OR7D2: variants seen among roughly 807,000 people sequenced by gnomAD.
OR7D2 encodes the protein olfactory receptor 7D2.
For synonymous variants in OR7D2, 158 were observed against 158.7 expected, an observed-to-expected ratio of 1.00 and a Z score of 0.03; for missense variants, 370 against 384.1, an observed-to-expected ratio of 0.96 and a Z score of 0.31.
At chr19:9,183,955 CAAAAAAAAAAAAAAAAAAAAAAAAAA>C (rs755935536) in intron 2 of OR7D2, among the ~76,000 whole-genome samples, 1 of 19,446 alleles carries the variant, frequency 5.1e-5, no homozygotes, top group African/African-American at 1.1e-4. Flanking sequence ...GACTCCGTCT[CAAAAAAAAAAAAAAAAAAAAAAAAAA>C]AAAAAAAAAA....
In OR7D2 at chr19:9,188,078, CT is replaced by C. The variant is rs2051051911; in HGVS notation, c.*1359del. The C allele has an allele frequency of 6.3e-6, 1 of 159,490 alleles. No homozygotes were observed. The highest frequency in any genetic ancestry group is 2.4e-5 in the African/African-American group (1 of 41,302). 9.9% of individuals were successfully genotyped at this position (159,490 alleles called of 1,614,324 possible). On this transcript the variant is annotated 3_prime_UTR_variant, in exon 3 of 3. Transcript: ENST00000641288. ...GGAACTGCTGGACTGAAAGGTAGTT[CT>C]ACTTTTAGTTCTTTTTTTTGTTTTT...
At chr19:9,183,064 T>A (rs962324957) in intron 2 of OR7D2, 2 of 325,862 alleles carry the variant, frequency 6.1e-6, no homozygotes, top group African/African-American at 4.4e-5. Flanking sequence ...TCTTACGAAA[T>A]TCTACTTTGC....
intron 2 of OR7D2, among the ~76,000 whole-genome samples, chr19:9,184,037 C>T (rs1599210841): frequency 7.0e-6 from 1 of 143,148 alleles, no homozygotes; most frequent in East Asian, 2.1e-4. Context: ...ACCCCTTGTG[C>T]CCTGTCGGTG....
At chr19:9,185,676 T>C in intron 2 of OR7D2, 93 bp from the exon 3 acceptor site, 2 of 731,640 alleles carry the variant, frequency 2.7e-6, no homozygotes, top group Non-Finnish European at 2.2e-6. Context: ...TGCAAATTCC[T>C]GGGCTCAAGT....
chr19:9,186,318 C>T lies in OR7D2; in HGVS notation c.537C>T (p.Cys179=), dbSNP rs560821814. 48 of 1,613,928 alleles carry T rather than the reference C, an allele frequency of 3.0e-5. No homozygotes were observed. The East Asian group carries it at 5.6e-4, about 19-fold the overall frequency. Residue 179 remains cysteine (C), a synonymous_variant, in exon 3 of 3, where the codon TGC becomes TGT. Coordinates refer to ENST00000641288, the MANE Select transcript of OR7D2 (RefSeq NM_175883.4). ...CKDFEIPHFF[C]ELTYILQLAC... ...ATTTTGAAATTCCACATTTTTTCTG[C>T]GAACTGACGTACATCCTCCAGCTGG... is the stretch of plus-strand genomic sequence containing the variant.
intron 2 of OR7D2, chr19:9,182,736 T>C (rs1055491756): frequency 1.9e-5 from 3 of 161,896 alleles, no homozygotes; most frequent in African/African-American, 7.2e-5. Context: ...TTAGCCAGGA[T>C]GGTCTCGATC....
intron 2 of OR7D2, among the ~76,000 whole-genome samples, chr19:9,181,798 G>A (rs1186759356): frequency 1.3e-5 from 2 of 152,236 alleles, no homozygotes; most frequent in South Asian, 4.1e-4. Flanking sequence ...GCACAAGTGA[G>A]ATATTGTGCC....
At chr19:9,180,338 C>T (rs1022959568) in intron 1 of OR7D2, among the ~76,000 whole-genome samples, 2 of 152,094 alleles carry the variant, frequency 1.3e-5, no homozygotes, top group Non-Finnish European at 2.9e-5. Flanking sequence ...TCTCAAACTC[C>T]TGGCCTCAAG....
intron 2 of OR7D2, among the ~76,000 whole-genome samples, chr19:9,183,445 T>C (rs1281727845): frequency 1.3e-5 from 2 of 151,960 alleles, no homozygotes; most frequent in African/African-American, 4.8e-5. Context: ...CCAGCTAATT[T>C]GGTTTATTTT....
At chr19:9,180,596 A>G (rs1463015023) in intron 1 of OR7D2, 102 bp from the exon 2 acceptor site, 1 of 150,818 alleles carries the variant, frequency 6.6e-6, no homozygotes, top group Non-Finnish European at 1.5e-5. Flanking sequence ...ACTTCATTTC[A>G]CTCCCCTTTC....
chr19:9,183,959 A>T (rs2051010571), intron 2 of OR7D2, among the ~76,000 whole-genome samples: 1 of 42,776 alleles, frequency 2.3e-5, no homozygotes, highest in South Asian at 9.1e-4. Context: ...CCGTCTCAAA[A>T]AAAAAAAAAA....
intron 1 of OR7D2, among the ~76,000 whole-genome samples, chr19:9,179,536 G>A (rs1411643418): frequency 5.8e-5 from 8 of 137,048 alleles, no homozygotes; most frequent in African/African-American, 1.9e-4. Context: ...TGAGTGAGAC[G>A]CTGTCTCAAA....
intron 2 of OR7D2, among the ~76,000 whole-genome samples, chr19:9,183,920 T>C (rs2051009718): frequency 8.7e-6 from 1 of 115,556 alleles, no homozygotes; most frequent in Admixed American, 1.3e-4. Flanking sequence ...ATTGCGCCAC[T>C]GCACTCCAGC....
Position 9,185,864 on chromosome 19 carries a change from T to A in OR7D2, c.83T>A (p.Phe28Tyr). The change falls in exon 3 of 3, where the codon TTT (phenylalanine) becomes TAT (tyrosine). Residue 28 changes from phenylalanine to tyrosine, a missense_variant. By Grantham distance (22) the Phe-to-Tyr change is conservative. Coordinates refer to ENST00000641288, the MANE Select transcript of OR7D2 (RefSeq NM_175883.4). Reference protein sequence around the residue: ...SEDPELQPFIFGLFLSMYLVT... With the variant: ...SEDPELQPFIYGLFLSMYLVT... ...GATCCAGAACTACAGCCGTTCATAT[T>A]TGGGCTGTTCCTGTCCATGTACCTG... is the stretch of plus-strand genomic sequence containing the variant. The A allele has an allele frequency of 6.2e-7, 1 of 1,613,590 alleles. No homozygotes were observed. The highest frequency in any genetic ancestry group is 8.5e-7 in the Non-Finnish European group (1 of 1,179,690).
chr19:9,186,617 C>G lies in OR7D2; in HGVS notation c.836C>G (p.Thr279Ser). The change falls in exon 3 of 3, where the codon ACT becomes AGT. Residue 279 changes from threonine to serine, a missense_variant. By Grantham distance (58) the Thr-to-Ser change is moderately conservative. Transcript: ENST00000641288. ...QKISVASVMY[T>S]VVTPMLNPFI... Reference sequence around the variant, plus strand: ...ATCTCCGTGGCCTCGGTGATGTACACTGTGGTCACCCCCATGTTGAACCCC... The same window carrying G: ...ATCTCCGTGGCCTCGGTGATGTACAGTGTGGTCACCCCCATGTTGAACCCC... 1 of 1,614,068 alleles carries G rather than the reference C, an allele frequency of 6.2e-7. No homozygotes were observed. The highest frequency in any genetic ancestry group is 8.5e-7 in the Non-Finnish European group (1 of 1,180,008).
intron 1 of OR7D2, among the ~76,000 whole-genome samples, chr19:9,180,056 G>A (rs1310903200): frequency 6.6e-6 from 1 of 151,716 alleles, no homozygotes; most frequent in African/African-American, 2.4e-5. Context: ...TGTATTAAAT[G>A]TTCACTCTGC....
At position 9,186,371 on chromosome 19, in the gene OR7D2, C is replaced by G. The variant is rs13345452; in HGVS notation, c.590C>G (p.Thr197Arg). 2 of 1,613,794 alleles carry G rather than the reference C, an allele frequency of 1.2e-6. No homozygotes were observed. Among genetic ancestry groups the G allele is most frequent in the Admixed American group, 1.7e-5 (1 of 59,962 alleles). ...TGCTCTGATACCTTCCTGAACAGCACGTTGATATACTTTATGACGGGTGTG... is the reference window on the plus strand; with the variant it reads ...TGCTCTGATACCTTCCTGAACAGCAGGTTGATATACTTTATGACGGGTGTG... Reference protein sequence around the residue: ...LACSDTFLNSTLIYFMTGVLG... With the variant: ...LACSDTFLNSRLIYFMTGVLG... The change falls in exon 3 of 3, where the codon ACG (threonine) becomes AGG (arginine). Residue 197 changes from threonine (T) to arginine (R), a missense_variant. By Grantham distance (71) the Thr-to-Arg change is moderately conservative (BLOSUM62 -1). Transcript: ENST00000641288.
intron 2 of OR7D2, among the ~76,000 whole-genome samples, chr19:9,185,385 A>G (rs1437051637): frequency 2.0e-5 from 3 of 151,708 alleles, no homozygotes; most frequent in South Asian, 2.1e-4. Context: ...CCATTTACGT[A>G]TGAAAGATTA....
chr19:9,186,478 G>A lies in OR7D2; in HGVS notation c.697G>A (p.Gly233Arg). Reference protein sequence around the residue: ...SSIRKMSSSGGKQKALSTCGS... With the variant: ...SSIRKMSSSGRKQKALSTCGS... ...CATAAGGAAGATGTCCTCATCTGGG[G>A]GAAAACAAAAAGCACTTTCCACCTG... Residue 233 changes from glycine to arginine, a missense_variant, in exon 3 of 3, where the codon GGA becomes AGA. Physicochemically the swap from Gly to Arg is moderately radical, Grantham distance 125. Transcript: ENST00000641288. 1.9e-6 allele frequency: 3 copies of A among 1,613,834 alleles called. No individual in the cohort carries two copies. Among genetic ancestry groups the A allele is most frequent in the Non-Finnish European group, 2.5e-6 (3 of 1,179,936 alleles).
Sources: allele counts gnomAD v4.1 joint callset (sites outside exome capture counted in the v4.1 genomes callset), GRCh38; gene constraint gnomAD v4.1.1; transcripts MANE v1.5; gene names NCBI Gene and HGNC (gene_info 2026-07-23, HGNC 2026-07-21).